Variants in CSMD1 observed in about 807,000 individuals in gnomAD.
CSMD1 encodes CUB and sushi domain-containing protein 1.
A neutral mutation model predicts 417.5 loss-of-function variants in CSMD1; 213 were observed. The ratio of observed to expected loss-of-function variants is 0.51; its 90% CI spans 0.46 to 0.57. The LOEUF is 0.57. Among genes scored for constraint, CSMD1 ranks in the 20% least tolerant of loss-of-function variants. The pLI is 0.00. For missense variants in CSMD1, 6,923 were observed against 4,529.7 expected, an observed-to-expected ratio of 1.53 and a Z score of -15.17; for synonymous variants, 2,862 against 1,736.8, an observed-to-expected ratio of 1.65 and a Z score of -16.11.
chr8:4,533,046 G>C (rs1444868328), intron 2 of CSMD1, among the ~76,000 whole-genome samples: 1 of 152,164 alleles, frequency 6.6e-6, no homozygotes, highest in Non-Finnish European at 1.5e-5. Context: ...CTAGATCCCA[G>C]GCAACCACTC....
chr8:3,307,794 G>T lies in CSMD1; in HGVS notation c.3851C>A (p.Ala1284Asp). ...IAECGGQIHAATSGRILSPGY... is the reference protein window; with the variant it reads ...IAECGGQIHADTSGRILSPGY... ...AGGGGACAATATTCGTCCTGATGTG[G>T]CTGCATGGATCTGACCACCACATTC... Residue 1284 changes from alanine (A) to aspartate (D), a missense_variant, in exon 25 of 70, where the codon GCC becomes GAC. By Grantham distance (126) the Ala-to-Asp change is moderately radical. Transcript: ENST00000635120. 6.2e-7 allele frequency: 1 copy of T among 1,613,512 alleles called. No individual in the cohort carries two copies. Among genetic ancestry groups the T allele is most frequent in the Non-Finnish European group, 8.5e-7 (1 of 1,179,590 alleles).
intron 3 of CSMD1, among the ~76,000 whole-genome samples, chr8:4,081,190 A>G (rs1222710559): frequency 6.6e-6 from 1 of 152,190 alleles, no homozygotes; most frequent in Non-Finnish European, 1.5e-5. Context: ...TGTTATTTAT[A>G]AATTATCCAG....
intron 5 of CSMD1, among the ~76,000 whole-genome samples, chr8:3,858,544 G>T (rs1223201497): frequency 6.6e-6 from 1 of 152,146 alleles, no homozygotes; most frequent in Non-Finnish European, 1.5e-5. Flanking sequence ...ATAGAGCAAG[G>T]TGTTAACTGC....
At chr8:4,183,592 A>G (rs563524332) in intron 3 of CSMD1, among the ~76,000 whole-genome samples, 29 of 152,346 alleles carry the variant, frequency 1.9e-4, no homozygotes, top group Admixed American at 1.2e-3. Context: ...GTAAAAATTC[A>G]TAATTTTGAA....
intron 18 of CSMD1, among the ~76,000 whole-genome samples, chr8:3,374,363 C>T (rs553999624): frequency 1.3e-5 from 2 of 152,114 alleles, no homozygotes; most frequent in Non-Finnish European, 2.9e-5. Context: ...CTAATGTTTT[C>T]CAAACACTCA....
intron 3 of CSMD1, among the ~76,000 whole-genome samples, chr8:4,376,696 T>C (rs958849460): frequency 3.3e-5 from 5 of 152,260 alleles, no homozygotes; most frequent in Non-Finnish European, 5.9e-5. Flanking sequence ...ATATTAATTC[T>C]TTAATCTTTG....
At chr8:4,838,769 C>G (rs1800659309) in intron 1 of CSMD1, among the ~76,000 whole-genome samples, 2 of 152,152 alleles carry the variant, frequency 1.3e-5, no homozygotes, top group South Asian at 2.1e-4. Flanking sequence ...AAGCAGACCT[C>G]CCACCCAGAG....
chr8:3,940,944 A>G (rs1523248), intron 5 of CSMD1, among the ~76,000 whole-genome samples: 58,704 of 150,968 alleles, frequency 0.39, 11,561 homozygotes, highest in East Asian at 0.48. Context: ...TCCATATTTT[A>G]CATATATGTC....
chr8:3,844,637 G>A lies in CSMD1; in HGVS notation c.819-90595C>T, dbSNP rs76803204. Among the ~76,000 whole-genome samples the A allele has an allele frequency of 6.1e-3, 931 of 152,074 alleles. 6 individuals carry two copies. Among genetic ancestry groups the A allele is most frequent in the Non-Finnish European group, 0.011 (738 of 67,996 alleles). ...TCCCATCTGCAGATGGAAGGAGAAC[G>A]GTGGGTATGCAGCTGGAAATTCACT... On this transcript the variant is annotated intron_variant, in intron 5 of 69. Transcript: ENST00000635120.
intron 7 of CSMD1, among the ~76,000 whole-genome samples, chr8:3,698,021 G>C (rs1175375040): frequency 2.0e-5 from 3 of 151,496 alleles, no homozygotes; most frequent in African/African-American, 7.3e-5. Context: ...GCTATACATT[G>C]TTTTATGTAT....
At chr8:4,535,129 C>G (rs971932377) in intron 2 of CSMD1, among the ~76,000 whole-genome samples, 1 of 152,126 alleles carries the variant, frequency 6.6e-6, no homozygotes, top group Non-Finnish European at 1.5e-5. Context: ...AAAACATAAT[C>G]TCCCATATAT....
At chr8:4,345,882 G>C (rs936024350) in intron 3 of CSMD1, among the ~76,000 whole-genome samples, 3 of 152,138 alleles carry the variant, frequency 2.0e-5, no homozygotes, top group Non-Finnish European at 4.4e-5. Context: ...CAGGCAGACA[G>C]GTGATGAGTC....
At chr8:3,715,037 T>C (rs1032777575) in intron 6 of CSMD1, among the ~76,000 whole-genome samples, 2 of 152,224 alleles carry the variant, frequency 1.3e-5, no homozygotes, top group Non-Finnish European at 2.9e-5. Context: ...TATTCATTAA[T>C]AGACACAATT....
intron 2 of CSMD1, among the ~76,000 whole-genome samples, chr8:4,469,369 A>G (rs1169719590): frequency 1.3e-5 from 2 of 152,166 alleles, no homozygotes; most frequent in East Asian, 1.9e-4. Flanking sequence ...CGTGAACCAA[A>G]TCAAGGTGCA....
At chr8:3,906,909 G>T (rs371904286) in intron 5 of CSMD1, among the ~76,000 whole-genome samples, 2 of 152,128 alleles carry the variant, frequency 1.3e-5, no homozygotes, top group African/African-American at 2.4e-5. Context: ...ACATTATCCT[G>T]AACTTGACAA....
intron 5 of CSMD1, among the ~76,000 whole-genome samples, chr8:3,934,494 T>A (rs2059584): frequency 6.6e-6 from 1 of 151,930 alleles, no homozygotes; most frequent in African/African-American, 2.4e-5. Flanking sequence ...TTTTTAATAA[T>A]TGAAGGAAAG....
At chr8:4,978,768 T>C (rs1172261871) in intron 1 of CSMD1, among the ~76,000 whole-genome samples, 2 of 152,064 alleles carry the variant, frequency 1.3e-5, no homozygotes, top group African/African-American at 4.8e-5. Flanking sequence ...TGAAACCCCG[T>C]CTCCACTAAA....
intron 5 of CSMD1, among the ~76,000 whole-genome samples, chr8:3,830,314 C>A (rs1378087489): frequency 6.6e-6 from 1 of 152,212 alleles, no homozygotes; most frequent in Non-Finnish European, 1.5e-5. Context: ...TAAGCGTCAG[C>A]CTTCACTTGC....
intron 5 of CSMD1, among the ~76,000 whole-genome samples, chr8:3,810,572 G>A (rs1022456082): frequency 6.6e-6 from 1 of 152,152 alleles, no homozygotes; most frequent in Non-Finnish European, 1.5e-5. Context: ...GTCTACAAGG[G>A]TTAGAAGGAG....
Sources: allele counts gnomAD v4.1 joint callset (sites outside exome capture counted in the v4.1 genomes callset), GRCh38; gene constraint gnomAD v4.1.1; transcripts MANE v1.5; gene names NCBI Gene and HGNC (gene_info 2026-07-23, HGNC 2026-07-21).